LZTFL1: variants seen among roughly 807,000 people sequenced by gnomAD.
LZTFL1 encodes leucine zipper transcription factor like 1, also known as leucine zipper transcription factor-like protein 1.
A neutral mutation model predicts 45.9 loss-of-function variants in LZTFL1; 25 were observed. The observed-to-expected ratio is 0.54, with a 90% confidence interval of 0.40 to 0.76. The LOEUF (loss-of-function observed/expected upper bound fraction) is 0.76, where lower values mean the gene tolerates loss of function less well. Among genes scored for constraint, LZTFL1 ranks in the 30% least tolerant of loss-of-function variants. The probability of loss-of-function intolerance (pLI) is 0.00; values close to 1 mark genes in which losing one functional copy is unlikely to be tolerated. For missense variants in LZTFL1, 277 were observed against 331.1 expected, an observed-to-expected ratio of 0.84 and a Z score of 1.27; for synonymous variants, 93 against 117.4, an observed-to-expected ratio of 0.79 and a Z score of 1.35.
chr3:45,905,583 C>T (rs1702664401), intron 2 of LZTFL1, among the ~76,000 whole-genome samples: 1 of 152,192 alleles, frequency 6.6e-6, no homozygotes, highest in African/African-American at 2.4e-5. Flanking sequence ...CGGCACAGGC[C>T]CTCTGGTTGC....
At position 45,842,071 on chromosome 3, in the gene LZTFL1, G is replaced by C; in HGVS notation, c.-80C>G. Reference sequence around the variant, plus strand: ...GCCAAGCCTGGGATCGCCGAGGGTAGTTGGACCACAGAAAATGGGGAAGGA... The same window carrying C: ...GCCAAGCCTGGGATCGCCGAGGGTACTTGGACCACAGAAAATGGGGAAGGA... On this transcript the variant is annotated 5_prime_UTR_variant, in exon 1 of 10. Coordinates refer to ENST00000296135, the MANE Select transcript of LZTFL1 (RefSeq NM_020347.4). 6.3e-7 allele frequency: 1 copy of C among 1,591,418 alleles called. No individual in the cohort carries two copies. Among genetic ancestry groups the C allele is most frequent in the Non-Finnish European group, 8.5e-7 (1 of 1,171,136 alleles).
At chr3:45,827,525 T>TA in intron 8 of LZTFL1, 66 bp from the exon 9 acceptor site, 1 of 952,142 alleles carries the variant, frequency 1.1e-6, no homozygotes. Flanking sequence ...ACAAATGCGA[T>TA]AAAAATATGT....
chr3:45,827,848 C>T (rs1700708451), intron 8 of LZTFL1, among the ~76,000 whole-genome samples: 1 of 151,854 alleles, frequency 6.6e-6, no homozygotes, highest in Admixed American at 6.6e-5. Flanking sequence ...ATTCTTTTTT[C>T]CCATTTTTTA....
intron 2 of LZTFL1, among the ~76,000 whole-genome samples, chr3:45,866,379 A>G (rs1014791036): frequency 6.6e-6 from 1 of 152,186 alleles, no homozygotes; most frequent in South Asian, 2.1e-4. Context: ...GAAAAATTTA[A>G]AAGCCCCTAC....
At chr3:45,849,950 TG>T (rs1701282185) in intron 4 of LZTFL1, among the ~76,000 whole-genome samples, 1 of 152,234 alleles carries the variant, frequency 6.6e-6, no homozygotes, top group Non-Finnish European at 1.5e-5. Flanking sequence ...TACTTGATTT[TG>T]TGTAAGAGAA....
At chr3:45,874,979 A>G (rs989375430) in intron 2 of LZTFL1, among the ~76,000 whole-genome samples, 7 of 152,246 alleles carry the variant, frequency 4.6e-5, no homozygotes, top group Non-Finnish European at 1.0e-4. Context: ...AGCAGGCCCA[A>G]CTGAGGTCAG....
upstream of LZTFL1, among the ~76,000 whole-genome samples, chr3:45,842,949 T>G (rs1701156139): frequency 6.6e-6 from 1 of 152,212 alleles, no homozygotes; most frequent in South Asian, 2.1e-4. Flanking sequence ...AGTCCTTCAC[T>G]CACATGATAC....
chr3:45,855,819 A>G (rs191838312), intron 3 of LZTFL1, among the ~76,000 whole-genome samples: 1 of 152,180 alleles, frequency 6.6e-6, no homozygotes, highest in Non-Finnish European at 1.5e-5. Context: ...AAGAAAATAA[A>G]ATACCTAGGA....
At chr3:45,875,289 T>TGC (rs1701732207) in intron 2 of LZTFL1, among the ~76,000 whole-genome samples, 1 of 152,212 alleles carries the variant, frequency 6.6e-6, no homozygotes. Context: ...CTGACTATAG[T>TGC]AAGTGCAAAA....
At chr3:45,874,705 T>G (rs921561927) in intron 2 of LZTFL1, among the ~76,000 whole-genome samples, 1 of 152,230 alleles carries the variant, frequency 6.6e-6, no homozygotes, top group African/African-American at 2.4e-5. Flanking sequence ...TGAGAGGTAG[T>G]GTCTGTCTCC....
chr3:45,854,598 A>G (rs1157967992), intron 4 of LZTFL1: 1 of 155,158 alleles, frequency 6.4e-6, no homozygotes, highest in Non-Finnish European at 1.4e-5. Flanking sequence ...ATCCCCAACC[A>G]CACTTCTCAT....
rs907222820 is a variant in LZTFL1 at position 45,841,794 on chromosome 3, G to A, written c.3+195C>T. 1.4e-5 allele frequency: 9 copies of A among 666,488 alleles called. No individual in the cohort carries two copies. In the Admixed American group the frequency reaches 2.0e-4, roughly 15 times the overall value. The allele number at this position is 666,488 out of a possible 1,614,324, so 41.3% of individuals were successfully genotyped here. Reference sequence around the variant, plus strand: ...GCTGCTGGGAAAAGGCTTCACCCAGGATTACCCCAGAAGGGCTTGGGCTGC... The same window carrying A: ...GCTGCTGGGAAAAGGCTTCACCCAGAATTACCCCAGAAGGGCTTGGGCTGC... On this transcript the variant is annotated intron_variant, in intron 1 of 9. Coordinates refer to ENST00000296135, the MANE Select transcript of LZTFL1 (RefSeq NM_020347.4).
chr3:45,878,272 C>T (rs551291398), intron 2 of LZTFL1, among the ~76,000 whole-genome samples: 131 of 152,300 alleles, frequency 8.6e-4, no homozygotes, highest in African/African-American at 2.9e-3. Context: ...TGAAGCTTTC[C>T]TCTGGGTCTC....
chr3:45,831,550 G>T (rs892693962), intron 5 of LZTFL1, among the ~76,000 whole-genome samples: 9 of 152,166 alleles, frequency 5.9e-5, no homozygotes, highest in African/African-American at 1.9e-4. Flanking sequence ...CAAGCCCACA[G>T]ATGCTTCTGA....
intron 2 of LZTFL1, among the ~76,000 whole-genome samples, chr3:45,874,967 C>T (rs998805836): frequency 3.9e-5 from 6 of 152,222 alleles, no homozygotes; most frequent in African/African-American, 1.4e-4. Context: ...AACACCTGGG[C>T]TAGCAGGCCC....
intron 3 of LZTFL1, 166 bp downstream of exon 3, chr3:45,835,424 T>C (rs1447129612): frequency 4.9e-6 from 3 of 607,392 alleles, no homozygotes; most frequent in Non-Finnish European, 8.7e-6. Flanking sequence ...AAAAGGGTGC[T>C]TAGTGGTACC....
chr3:45,849,371 G>C (rs1274466375), intron 4 of LZTFL1, among the ~76,000 whole-genome samples: 3 of 152,186 alleles, frequency 2.0e-5, no homozygotes, highest in Non-Finnish European at 4.4e-5. Flanking sequence ...CAAACGCTAA[G>C]AGATTAAATG....
chr3:45,860,165 T>C (rs1041850153), intron 2 of LZTFL1, among the ~76,000 whole-genome samples: 32 of 152,210 alleles, frequency 2.1e-4, no homozygotes, highest in African/African-American at 7.2e-4. Flanking sequence ...TGAGCCGAGA[T>C]TGCGCCACTG....
chr3:45,846,421 C>T (rs1483340238), upstream of LZTFL1, among the ~76,000 whole-genome samples: 2 of 152,136 alleles, frequency 1.3e-5, no homozygotes, highest in Non-Finnish European at 2.9e-5. Flanking sequence ...CAAGCATTTA[C>T]AGTTGCTCCT....
Sources: gnomAD v4.1 joint callset for allele counts (sites outside exome capture counted in the v4.1 genomes callset) on GRCh38, gnomAD v4.1.1 for gene constraint, MANE v1.5 for transcripts, NCBI Gene and HGNC (gene_info 2026-07-23, HGNC 2026-07-21) for gene names.